Variants in EFHC2 observed in about 807,000 individuals in gnomAD.
The protein encoded by EFHC2 is EF-hand domain-containing family member C2.
Under a neutral mutation model 52.7 loss-of-function variants are expected in EFHC2, and 18 were observed. The ratio of observed to expected loss-of-function variants is 0.34; its 90% CI spans 0.24 to 0.51. EFHC2 has a LOEUF of 0.51. Ranked by LOEUF, EFHC2 falls within the 20% of genes least tolerant of loss-of-function variation. EFHC2 has a pLI of 0.97. For missense variants in EFHC2, 513 were observed against 562.5 expected (o/e 0.91, Z 0.89); for synonymous variants, 203 against 204.1 (o/e 0.99, Z 0.04).
chrX:44,263,706 C>T (rs1224830292), intron 3 of EFHC2, among the ~76,000 whole-genome samples: 1 of 111,859 alleles, frequency 8.9e-6, no homozygotes, highest in East Asian at 2.8e-4. Context: ...AAAGGATGGG[C>T]ATTTCAGGTA....
chrX:44,268,864 ACCT>A (rs927785570), intron 3 of EFHC2, among the ~76,000 whole-genome samples: 8 of 111,717 alleles, frequency 7.2e-5, no homozygotes, highest in African/African-American at 2.3e-4. Context: ...CATACTTTTA[ACCT>A]TAAAATTTGT....
chrX:44,168,665 G>C (rs771639594), intron 13 of EFHC2, among the ~76,000 whole-genome samples: 4 of 111,915 alleles, frequency 3.6e-5, no homozygotes, highest in Non-Finnish European at 5.6e-5. Flanking sequence ...AGTTTGGGGA[G>C]AGGAGGCAAA....
At chrX:44,305,256 C>T (rs956434777) in intron 2 of EFHC2, among the ~76,000 whole-genome samples, 17 of 108,782 alleles carry the variant, frequency 1.6e-4, no homozygotes, top group East Asian at 8.6e-4. Flanking sequence ...AGCGAGATTC[C>T]GCCTCAAAAA....
chrX:44,169,765 TCTC>T (rs1476164865), intron 13 of EFHC2, among the ~76,000 whole-genome samples: 4 of 110,660 alleles, frequency 3.6e-5, no homozygotes, highest in Admixed American at 9.7e-5. Context: ...TCTCTCTCTC[TCTC>T]ATCATGAACT....
rs772351468 is a variant in EFHC2 at position 44,232,607 on chromosome X, T to C, written c.1494A>G (p.Glu498=). The stretch of plus-strand genomic sequence containing the variant: ...CCTCGGCCTTGATATATTCAGATAG[T>C]TCACTTTTAAAGACTTCTTGTCCAG... The part of the protein sequence containing the change: ...KKPGQEVFKS[E]LSEYIKAEEL... Residue 498 remains glutamate, a synonymous_variant, in exon 10 of 15, where the codon GAA becomes GAG. Coordinates refer to ENST00000420999, the MANE Select transcript of EFHC2 (RefSeq NM_025184.4). 5.9e-6 allele frequency: 7 copies of C among 1,196,451 alleles called. No homozygotes were observed. The highest frequency in any genetic ancestry group is 1.8e-5 in the African/African-American group (1 of 57,007).
intron 11 of EFHC2, among the ~76,000 whole-genome samples, chrX:44,226,176 A>T (rs2037230988): frequency 8.9e-6 from 1 of 112,120 alleles, no homozygotes; most frequent in Admixed American, 9.5e-5. Context: ...GGTTAAGAGC[A>T]GAAGAATGAT....
At chrX:44,151,591 G>A (rs1386482011) in intron 14 of EFHC2, among the ~76,000 whole-genome samples, 2 of 111,535 alleles carry the variant, frequency 1.8e-5, no homozygotes, top group Non-Finnish European at 3.8e-5. Context: ...TCTTCACGCA[G>A]CTTTCTTATA....
chrX:44,258,698 TA>T (rs1030019529), intron 4 of EFHC2, among the ~76,000 whole-genome samples: 2 of 108,132 alleles, frequency 1.8e-5, no homozygotes, highest in East Asian at 2.9e-4. Flanking sequence ...TAAAAATATT[TA>T]AAAAAAAATT....
intron 11 of EFHC2, among the ~76,000 whole-genome samples, chrX:44,191,073 G>A (rs1343635029): frequency 8.9e-6 from 1 of 111,925 alleles, no homozygotes; most frequent in Non-Finnish European, 1.9e-5. Flanking sequence ...CGCTCAGCAA[G>A]CCTGCTCTAC....
intron 11 of EFHC2, among the ~76,000 whole-genome samples, chrX:44,196,716 G>A (rs777723395): frequency 4.0e-4 from 45 of 112,277 alleles, no homozygotes; most frequent in Admixed American, 1.8e-3. Flanking sequence ...TAGACCCAGA[G>A]TGTAAGTTCC....
intron 13 of EFHC2, among the ~76,000 whole-genome samples, chrX:44,173,783 T>C (rs2036763429): frequency 8.9e-6 from 1 of 111,771 alleles, no homozygotes; most frequent in African/African-American, 3.3e-5. Flanking sequence ...GCATTTAATG[T>C]CAAATCGTAA....
chrX:44,154,405 AAGCTCTAAT>A (rs1449570917), intron 14 of EFHC2, among the ~76,000 whole-genome samples: 1 of 111,692 alleles, frequency 9.0e-6, no homozygotes, highest in Non-Finnish European at 1.9e-5. Context: ...CAGTTGCATT[AAGCTCTAAT>A]CATTAGGTCA....
At chrX:44,271,447 G>A (rs772387848) in intron 3 of EFHC2, among the ~76,000 whole-genome samples, 2 of 111,398 alleles carry the variant, frequency 1.8e-5, no homozygotes, top group Non-Finnish European at 3.8e-5. Flanking sequence ...ATTGTAGTTA[G>A]AGAAGACAAT....
At chrX:44,258,515 CAT>C (rs1455395794) in intron 4 of EFHC2, among the ~76,000 whole-genome samples, 5 of 109,809 alleles carry the variant, frequency 4.6e-5, no homozygotes, top group Admixed American at 9.6e-5. Flanking sequence ...AGCCAAGAAA[CAT>C]ATGAAAAAAA....
At position 44,148,652 on chromosome X, in the gene EFHC2, A is replaced by G; in HGVS notation, c.*143T>C. On this transcript the variant is annotated 3_prime_UTR_variant, in exon 15 of 15. Coordinates refer to ENST00000420999, the MANE Select transcript of EFHC2 (RefSeq NM_025184.4). ...TGATGTTCTGTAAAACTAACATGAC[A>G]AAATAGGATTAATTGTGGTTTATGG... 2.0e-6 allele frequency: 1 copy of G among 510,651 alleles called. No homozygotes were observed. The highest frequency in any genetic ancestry group is 3.2e-6 in the Non-Finnish European group (1 of 315,938). 42.1% of individuals were successfully genotyped at this position (510,651 alleles called of 1,213,427 possible). A position where few individuals can be genotyped will look rare whatever the true frequency, so the allele number is the denominator to read the frequency against.
At chrX:44,259,622 T>C (rs2037521807) in intron 4 of EFHC2, among the ~76,000 whole-genome samples, 1 of 112,221 alleles carries the variant, frequency 8.9e-6, no homozygotes, top group Non-Finnish European at 1.9e-5. Flanking sequence ...ATATAATCCA[T>C]CATTATTCAC....
At chrX:44,230,783 G>T (rs2037270373) in intron 10 of EFHC2, among the ~76,000 whole-genome samples, 1 of 111,198 alleles carries the variant, frequency 9.0e-6, no homozygotes. Context: ...CTCACCCTCT[G>T]ATTAGAAATA....
chrX:44,213,600 C>T (rs2037118937), intron 11 of EFHC2, among the ~76,000 whole-genome samples: 2 of 112,068 alleles, frequency 1.8e-5, no homozygotes, highest in South Asian at 3.7e-4. Context: ...CAAAGAGGTA[C>T]GTTATTATCT....
chrX:44,251,623 A>T (rs2037449657), intron 4 of EFHC2, among the ~76,000 whole-genome samples: 11 of 74,857 alleles, frequency 1.5e-4, no homozygotes, highest in Non-Finnish European at 2.0e-4. Context: ...AAAAAAAAAA[A>T]AAAAAAAAAA....
Sources: gnomAD v4.1 joint callset for allele counts (sites outside exome capture counted in the v4.1 genomes callset) on GRCh38, gnomAD v4.1.1 for gene constraint, MANE v1.5 for transcripts, NCBI Gene and HGNC (gene_info 2026-07-23, HGNC 2026-07-21) for gene names.